GLRX5: variants seen among roughly 807,000 people sequenced by gnomAD.
The protein encoded by GLRX5 is glutaredoxin-related protein 5, mitochondrial.
A neutral mutation model predicts 13.8 loss-of-function variants in GLRX5; 10 were observed. That is an observed-to-expected ratio of 0.72 (90% confidence interval 0.45 to 1.23). The LOEUF is 1.23. Ranked by LOEUF, GLRX5 falls within the 50% of genes most tolerant of loss-of-function variation. The pLI, the probability that GLRX5 is intolerant of heterozygous loss-of-function variation, is 0.00. For synonymous variants in GLRX5, 98 were observed against 101.1 expected (o/e 0.97, Z 0.18); for missense variants, 233 against 215.2 (o/e 1.08, Z -0.52).
intron 1 of GLRX5, among the ~76,000 whole-genome samples, chr14:95,537,969 A>T (rs1190182048): frequency 6.6e-6 from 1 of 152,206 alleles, no homozygotes; most frequent in Non-Finnish European, 1.5e-5. Flanking sequence ...TCATTTCCTA[A>T]TCCTGGTCTT....
chr14:95,538,621 T>C (rs2369014), intron 1 of GLRX5, among the ~76,000 whole-genome samples: 128,991 of 152,112 alleles, frequency 0.85, 55,512 homozygotes, highest in Non-Finnish European at 0.93. Context: ...AGTCAAGCTA[T>C]GGGTGAACAG....
chr14:95,540,458 T>G (rs1891455936), intron 1 of GLRX5, among the ~76,000 whole-genome samples: 1 of 152,150 alleles, frequency 6.6e-6, no homozygotes, highest in Non-Finnish European at 1.5e-5. Flanking sequence ...GGCTAAAAGA[T>G]TAACAGATTT....
intron 1 of GLRX5, among the ~76,000 whole-genome samples, chr14:95,541,002 G>GCCT (rs1891465199): frequency 6.6e-6 from 1 of 152,184 alleles, no homozygotes; most frequent in African/African-American, 2.4e-5. Context: ...TTGTAAGATA[G>GCCT]CCTCCTAACT....
Position 95,535,301 on chromosome 14 carries a change from A to G in GLRX5, c.212A>G (p.Asn71Ser). Residue 71 changes from asparagine to serine, a missense_variant, in exon 1 of 2, where the codon AAC (asparagine) becomes AGC (serine). Asn to Ser is a conservative substitution (Grantham distance 46, BLOSUM62 1). Coordinates refer to ENST00000331334, the MANE Select transcript of GLRX5 (RefSeq NM_016417.3). ...GAGCAGCCCCAGTGCGGCTTCAGCAACGCCGTGGTGCAGATCCTGCGGCTG... is the reference window on the plus strand; with the variant it reads ...GAGCAGCCCCAGTGCGGCTTCAGCAGCGCCGTGGTGCAGATCCTGCGGCTG... ...TPEQPQCGFS[N>S]AVVQILRLHG... 6.4e-7 allele frequency: 1 copy of G among 1,562,072 alleles called. No individual in the cohort carries two copies. The highest frequency in any genetic ancestry group is 8.7e-7 in the Non-Finnish European group (1 of 1,153,700).
Position 95,535,177 on chromosome 14 carries a change from C to G in GLRX5, c.88C>G (p.Arg30Gly). ...GGGGLWGPGV[R>G]AAGSGAGGGG... Reference sequence around the variant, plus strand: ...CGGTGGCCTTTGGGGTCCGGGCGTGCGGGCGGCGGGCTCGGGCGCGGGCGG... The same window carrying G: ...CGGTGGCCTTTGGGGTCCGGGCGTGGGGGCGGCGGGCTCGGGCGCGGGCGG... The change falls in exon 1 of 2, where the codon CGG (arginine) becomes GGG (glycine). Residue 30 changes from arginine to glycine, a missense_variant. Arg to Gly is a moderately radical substitution (Grantham distance 125). Transcript: ENST00000331334. 6.8e-7 allele frequency: 1 copy of G among 1,466,904 alleles called. No individual in the cohort carries two copies. The highest frequency in any genetic ancestry group is 9.0e-7 in the Non-Finnish European group (1 of 1,105,754). 90.9% of individuals were successfully genotyped at this position (1,466,904 alleles called of 1,614,324 possible).
At chr14:95,540,102 GC>G (rs934142728) in intron 1 of GLRX5, among the ~76,000 whole-genome samples, 9 of 152,088 alleles carry the variant, frequency 5.9e-5, no homozygotes, top group African/African-American at 2.2e-4. Context: ...TGTTGGCCAG[GC>G]TGGTCTTGAA....
At chr14:95,540,973 A>G (rs1891464502) in intron 1 of GLRX5, among the ~76,000 whole-genome samples, 1 of 152,236 alleles carries the variant, frequency 6.6e-6, no homozygotes, top group African/African-American at 2.4e-5. Context: ...GTGGAGCATT[A>G]GATGCGTGTA....
In GLRX5 at chr14:95,544,077, G is replaced by T; in HGVS notation, c.426G>T (p.Gly142=). ...GDLVEELKKL[G]IHSALLDEKK... ...TGGTGGAAGAACTGAAAAAGCTGGG[G>T]ATCCACTCCGCCCTTTTAGATGAAA... Residue 142 remains glycine (G), a synonymous_variant, in exon 2 of 2, where the codon GGG becomes GGT. Coordinates refer to ENST00000331334, the MANE Select transcript of GLRX5 (RefSeq NM_016417.3). 1 of 1,614,118 alleles carries T rather than the reference G, an allele frequency of 6.2e-7. No individual in the cohort carries two copies. Among genetic ancestry groups the T allele is most frequent in the Non-Finnish European group, 8.5e-7 (1 of 1,179,994 alleles).
chr14:95,536,642 T>G (rs1292569705), intron 1 of GLRX5, among the ~76,000 whole-genome samples: 1 of 152,208 alleles, frequency 6.6e-6, no homozygotes, highest in African/African-American at 2.4e-5. Context: ...AAGTTTGTGT[T>G]AGGAAGCCAA....
At chr14:95,535,434 T>TC in intron 1 of GLRX5, 50 bp downstream of exon 1, 1 of 1,508,068 alleles carries the variant, frequency 6.6e-7, no homozygotes, top group Non-Finnish European at 8.9e-7. Flanking sequence ...CCCAGGAGCA[T>TC]CGCTGCACGA....
In GLRX5 at chr14:95,535,482, G is replaced by A. The variant is rs564516426; in HGVS notation, c.295+98G>A. ...CCGCCGCGCCGGGCTGGGGAGCGGGGCTCCATCCGCCGGGGTCTGTCTGAA... is the reference window on the plus strand; with the variant it reads ...CCGCCGCGCCGGGCTGGGGAGCGGGACTCCATCCGCCGGGGTCTGTCTGAA... On this transcript the variant is annotated intron_variant, in intron 1 of 1. Coordinates refer to ENST00000331334, the MANE Select transcript of GLRX5 (RefSeq NM_016417.3). The A allele has an allele frequency of 2.3e-4, 273 of 1,194,150 alleles. No homozygotes were observed. In the African/African-American group the frequency reaches 3.6e-3, roughly 16 times the overall value. The allele number at this position is 1,194,150 out of a possible 1,614,324, so 74.0% of individuals were successfully genotyped here.
chr14:95,535,466 C>G (rs991713679), intron 1 of GLRX5, 82 bp downstream of exon 1: 6 of 1,358,084 alleles, frequency 4.4e-6, no homozygotes, highest in Non-Finnish European at 6.0e-6. Context: ...TCCGCCGCGC[C>G]GGGCTGGGGA....
chr14:95,544,394 TA>T lies in GLRX5; in HGVS notation c.*270del. 4.3e-6 allele frequency: 2 copies of T among 462,294 alleles called. No individual in the cohort carries two copies. The highest frequency in any genetic ancestry group is 7.9e-6 in the Non-Finnish European group (2 of 254,764). The allele number at this position is 462,294 out of a possible 1,614,324, so 28.6% of individuals were successfully genotyped here. ...CAAAATTCATTCTTATATTGTCACT[TA>T]TTCTTTGCCTGATTCAGAAGTTAAA... On this transcript the variant is annotated 3_prime_UTR_variant, in exon 2 of 2. Transcript: ENST00000331334.
rs755078952 is a variant in GLRX5, at chr14:95,542,972, GTCA to G, written c.296-969_296-967del. Reference sequence around the variant, plus strand: ...ATTTCTTTCTTACCATTTTGTTACAGTCATCATCCTTGTGGCTCAGAATTGAAC... The same window carrying G: ...ATTTCTTTCTTACCATTTTGTTACAGTCATCCTTGTGGCTCAGAATTGAAC... On this transcript the variant is annotated intron_variant, in intron 1 of 1. Coordinates refer to ENST00000331334, the MANE Select transcript of GLRX5 (RefSeq NM_016417.3). The G allele has an allele frequency of 2.0e-5, 9 of 446,980 alleles. 1 individual carries two copies. The highest frequency in any genetic ancestry group is 1.1e-4 in the South Asian group (7 of 64,404). The allele number at this position is 446,980 out of a possible 1,614,324, so 27.7% of individuals were successfully genotyped here. A position where few individuals can be genotyped will look rare whatever the true frequency, so the allele number is the denominator to read the frequency against.
Position 95,544,257 on chromosome 14 carries a change from C to A in GLRX5, c.*132C>A. 1.4e-6 allele frequency: 1 copy of A among 722,254 alleles called. No individual in the cohort carries two copies. 44.7% of individuals were successfully genotyped at this position (722,254 alleles called of 1,614,324 possible). ...TGCACTGATCATTTTGGTTCGTGAGCAGTTGGTGATTTTAGTTGGTCTGGT... is the reference window on the plus strand; with the variant it reads ...TGCACTGATCATTTTGGTTCGTGAGAAGTTGGTGATTTTAGTTGGTCTGGT... On this transcript the variant is annotated 3_prime_UTR_variant, in exon 2 of 2. Coordinates refer to ENST00000331334, the MANE Select transcript of GLRX5 (RefSeq NM_016417.3).
chr14:95,543,250 G>GAGCC (rs1167485801), intron 1 of GLRX5: 2 of 454,190 alleles, frequency 4.4e-6, no homozygotes, highest in Non-Finnish European at 8.9e-6. Context: ...ACTCCACAGA[G>GAGCC]AGCCCATCAC....
intron 1 of GLRX5, among the ~76,000 whole-genome samples, chr14:95,536,173 C>T (rs1891374677): frequency 6.6e-6 from 1 of 152,104 alleles, no homozygotes; most frequent in Admixed American, 6.5e-5. Context: ...GCACCAGGGA[C>T]CAGATGGATT....
chr14:95,539,897 A>ATAT (rs1306972729), intron 1 of GLRX5, among the ~76,000 whole-genome samples: 2 of 146,130 alleles, frequency 1.4e-5, no homozygotes, highest in Admixed American at 6.7e-5. Flanking sequence ...ATATATATAT[A>ATAT]TTTTTTTTTT....
intron 1 of GLRX5, among the ~76,000 whole-genome samples, chr14:95,539,983 G>A (rs1371230538): frequency 1.3e-5 from 2 of 151,788 alleles, no homozygotes; most frequent in East Asian, 1.9e-4. Context: ...CCTGCCTCCC[G>A]GGTTCAAGCG....
Sources: gnomAD v4.1 joint callset for allele counts (sites outside exome capture counted in the v4.1 genomes callset) on GRCh38, gnomAD v4.1.1 for gene constraint, MANE v1.5 for transcripts, NCBI Gene and HGNC (gene_info 2026-07-23, HGNC 2026-07-21) for gene names.